The following DENND3 variants were observed in gnomAD, a reference collection of about 807,000 sequenced individuals.
DENND3 encodes the protein DENN domain containing 3.
A neutral mutation model predicts 135.1 loss-of-function variants in DENND3; 88 were observed. That is an observed-to-expected ratio of 0.65 (90% CI 0.55 to 0.78). The LOEUF (loss-of-function observed/expected upper bound fraction) is 0.78. DENND3 is among the 30% of genes least tolerant of loss of function. DENND3 has a pLI of 0.00. For synonymous variants in DENND3, 693 were observed against 712.3 expected, an observed-to-expected ratio of 0.97 and a Z score of 0.43; for missense variants, 1,392 against 1,688.4, an observed-to-expected ratio of 0.82 and a Z score of 3.08.
intron 7 of DENND3, among the ~76,000 whole-genome samples, chr8:141,152,644 A>G (rs1818933830): frequency 6.6e-6 from 1 of 152,134 alleles, no homozygotes; most frequent in Admixed American, 6.5e-5. Context: ...TCGTGATAAA[A>G]TCTTCATCAC....
In DENND3 at chr8:141,168,311, G is replaced by A; in HGVS notation, c.2061G>A (p.Glu687=). The change falls in exon 13 of 23, where the codon GAG becomes GAA. Residue 687 remains glutamate, a synonymous_variant. Transcript: ENST00000519811. The surrounding 1 kb of genome is among the most constrained non-coding windows in gnomAD (Gnocchi z 6.2). ...CGGTGGAATCCATGTCTGCCCCTGAGTGGGAGGGGGCTGAGCAGGCGCCGG... is the reference window on the plus strand; with the variant it reads ...CGGTGGAATCCATGTCTGCCCCTGAATGGGAGGGGGCTGAGCAGGCGCCGG... ...KRTVESMSAP[E]WEGAEQAPEL... 1.2e-6 allele frequency: 2 copies of A among 1,614,108 alleles called. No individual in the cohort carries two copies. Among genetic ancestry groups the A allele is most frequent in the Non-Finnish European group, 1.7e-6 (2 of 1,180,018 alleles).
At position 141,137,984 on chromosome 8, in the gene DENND3, C is replaced by T. The variant is rs1377278451; in HGVS notation, c.386-38C>T. ...CTCGTGGGTAACCCAGGCCACTTGG[C>T]AAGAACAGGATTCTTCTCTGTCTCT... is the stretch of plus-strand genomic sequence containing the variant. On this transcript the variant is annotated intron_variant, in intron 2 of 22. Transcript: ENST00000519811. The surrounding 1 kb of genome is among the most constrained non-coding windows in gnomAD (Gnocchi z 4.1). 14 of 1,556,734 alleles carry T rather than the reference C, an allele frequency of 9.0e-6. No homozygotes were observed. The highest frequency in any genetic ancestry group is 8.7e-7 in the Non-Finnish European group (1 of 1,148,612).
At chr8:141,188,056 C>CATCAGCCAGGCGTGGTGGT (rs1824146479) in intron 18 of DENND3, among the ~76,000 whole-genome samples, 3 of 147,408 alleles carry the variant, frequency 2.0e-5, no homozygotes, top group Admixed American at 7.9e-5. Flanking sequence ...GGCGTGGTGG[C>CATCAGCCAGGCGTGGTGGT]ATCAGCCAGG....
chr8:141,134,441 G>A (rs778769766), intron 1 of DENND3, among the ~76,000 whole-genome samples: 14 of 151,068 alleles, frequency 9.3e-5, no homozygotes, highest in Non-Finnish European at 1.3e-4. Flanking sequence ...GACTACAGGC[G>A]CCCGCCACCA....
rs1823687310 is a variant in DENND3, at chr8:141,184,872, T to G, written c.2945-267T>G. ...CTCACTCAGCTGGCAGGTCCTGGCT[T>G]AGCAAAGCTCACAGGCATTCGGCTC... On this transcript the variant is annotated intron_variant, in intron 17 of 22. Coordinates refer to ENST00000519811, the MANE Select transcript of DENND3 (RefSeq NM_001352890.3). 3 of 350,038 alleles carry G rather than the reference T, an allele frequency of 8.6e-6. No homozygotes were observed. The East Asian group carries it at 1.4e-4, about 16-fold the overall frequency. 21.7% of individuals were successfully genotyped at this position (350,038 alleles called of 1,614,324 possible). A position where few individuals can be genotyped will look rare whatever the true frequency, so the allele number is the denominator to read the frequency against.
In DENND3 at chr8:141,137,154, G is replaced by A. The variant is rs555299709; in HGVS notation, c.385+363G>A. Among the ~76,000 whole-genome samples, 34 of 152,044 alleles carry A rather than the reference G, an allele frequency of 2.2e-4. No homozygotes were observed. The highest frequency in any genetic ancestry group is 8.2e-4 in the African/African-American group (34 of 41,482). On this transcript the variant is annotated intron_variant, in intron 2 of 22. Coordinates refer to ENST00000519811, the MANE Select transcript of DENND3 (RefSeq NM_001352890.3). The surrounding 1 kb of genome is among the most constrained non-coding windows in gnomAD (Gnocchi z 4.1). ...ACCACCACGCCTGGCTAACTTTTGT[G>A]TCTTTAGTAGAAATGGGGTTTCACC...
At chr8:141,180,386 T>G (rs1822937079) in intron 16 of DENND3, among the ~76,000 whole-genome samples, 1 of 152,226 alleles carries the variant, frequency 6.6e-6, no homozygotes, top group Non-Finnish European at 1.5e-5. Context: ...ATCTCCGCTT[T>G]GCTGGGCACT....
At chr8:141,158,530 C>T (rs968856968) in intron 8 of DENND3, among the ~76,000 whole-genome samples, 4 of 152,190 alleles carry the variant, frequency 2.6e-5, no homozygotes, top group Non-Finnish European at 5.9e-5. Context: ...TTTTTGGAGA[C>T]TCTTTTGTAA....
At chr8:141,148,486 C>T (rs1225866936) in intron 5 of DENND3, among the ~76,000 whole-genome samples, 2 of 152,218 alleles carry the variant, frequency 1.3e-5, no homozygotes, top group Non-Finnish European at 1.5e-5. Flanking sequence ...AAATCTCACA[C>T]ACACACACAT....
intron 18 of DENND3, among the ~76,000 whole-genome samples, chr8:141,187,664 CT>C (rs5895657): frequency 0.55 from 83,235 of 151,784 alleles, 25,230 homozygotes; most frequent in East Asian, 0.8. Flanking sequence ...TGGGACCACT[CT>C]TGAGATACCT....
At chr8:141,192,843 G>T (rs1040429056) in intron 22 of DENND3, 180 bp downstream of exon 22, 9 of 1,541,636 alleles carry the variant, frequency 5.8e-6, no homozygotes, top group African/African-American at 1.4e-5. Flanking sequence ...GTCACCATGT[G>T]CTGGTTTCAT....
chr8:141,160,130 G>A (rs556770129), intron 8 of DENND3, among the ~76,000 whole-genome samples: 1 of 152,122 alleles, frequency 6.6e-6, no homozygotes, highest in East Asian at 1.9e-4. Flanking sequence ...GCCCATGTGA[G>A]TCCATGTGTG....
rs567605282 is a variant in DENND3, at chr8:141,137,513, C to G, written c.386-509C>G. ...CGGTTCCACCCCCAGTGTGCCTGAG[C>G]CTCTCCCTTCCACCTCCCGTTTTCC... is the stretch of plus-strand genomic sequence containing the variant. On this transcript the variant is annotated intron_variant, in intron 2 of 22. Transcript: ENST00000519811. The surrounding 1 kb of genome is among the most constrained non-coding windows in gnomAD (Gnocchi z 4.1). Among the ~76,000 whole-genome samples the G allele has an allele frequency of 6.6e-6, 1 of 152,314 alleles. No individual in the cohort carries two copies. Among genetic ancestry groups the G allele is most frequent in the African/African-American group, 2.4e-5 (1 of 41,570 alleles).
At chr8:141,163,174 C>T (rs1820351789) in intron 9 of DENND3, among the ~76,000 whole-genome samples, 159 bp from the exon 10 acceptor site, 4 of 152,244 alleles carry the variant, frequency 2.6e-5, no homozygotes, top group Non-Finnish European at 4.4e-5. Context: ...CCACAAAATA[C>T]ATCCACATCG....
intron 11 of DENND3, 95 bp downstream of exon 11, chr8:141,165,384 T>C: frequency 1.0e-6 from 1 of 965,254 alleles, no homozygotes; most frequent in East Asian, 2.5e-5. Flanking sequence ...AGAAAGTCAA[T>C]GGGAAATACC....
At chr8:141,162,879 A>T (rs1674687103) in intron 9 of DENND3, among the ~76,000 whole-genome samples, 1 of 152,188 alleles carries the variant, frequency 6.6e-6, no homozygotes, top group Non-Finnish European at 1.5e-5. Flanking sequence ...GTGCCACTGC[A>T]CTCCAGCCTG....
intron 3 of DENND3, among the ~76,000 whole-genome samples, chr8:141,140,085 T>C (rs942873752): frequency 3.9e-5 from 6 of 152,086 alleles, no homozygotes; most frequent in Admixed American, 3.3e-4. Context: ...CTAATTTTTC[T>C]TATTTTTTGT....
intron 21 of DENND3, 27 bp downstream of exon 21, chr8:141,192,476 G>T: frequency 6.2e-7 from 1 of 1,613,656 alleles, no homozygotes. Flanking sequence ...TGTGGGCCCA[G>T]CATGTGCGTG....
In DENND3 at chr8:141,182,578, CAGGAGCA is replaced by C; in HGVS notation, c.2944+1725_2944+1731del. The C allele has an allele frequency of 1.2e-6, 1 of 818,914 alleles. No individual in the cohort carries two copies. Among genetic ancestry groups the C allele is most frequent in the Non-Finnish European group, 1.5e-6 (1 of 678,798 alleles). The allele number at this position is 818,914 out of a possible 1,614,324, so 50.7% of individuals were successfully genotyped here. On this transcript the variant is annotated intron_variant, in intron 17 of 22. Coordinates refer to ENST00000519811, the MANE Select transcript of DENND3 (RefSeq NM_001352890.3). This position sits in a 1 kb window ranked among gnomAD's most constrained non-coding sequence, Gnocchi z 5.9. ...CGAGGAGTTCAGGCGGCTTCCCCTC[CAGGAGCA>C]TCTCGAAGGCCTGCAGAGAGCGTGC...
Sources: allele counts gnomAD v4.1 joint callset (sites outside exome capture counted in the v4.1 genomes callset), GRCh38; gene constraint gnomAD v4.1.1; non-coding constraint Gnocchi (gnomAD v3.1); transcripts MANE v1.5; gene names NCBI Gene and HGNC (gene_info 2026-07-23, HGNC 2026-07-21).